The following HIP1 variants were observed in gnomAD, a reference collection of about 807,000 sequenced individuals.
HIP1 encodes huntingtin interacting protein 1, also known as huntingtin-interacting protein 1.
Under a neutral mutation model 147.6 loss-of-function variants are expected in HIP1, and 65 were observed. That is an observed-to-expected ratio of 0.44 (90% CI 0.36 to 0.54). The LOEUF is 0.54. HIP1 is among the 20% of genes least tolerant of loss of function. The pLI, the probability that HIP1 is intolerant of heterozygous loss-of-function variation, is 0.00. For synonymous variants in HIP1, 479 were observed against 504.0 expected (o/e 0.95, Z 0.67); for missense variants, 1,061 against 1,299.6 (o/e 0.82, Z 2.82).
chr7:75,583,473 C>T (rs587699209), intron 5 of HIP1, among the ~76,000 whole-genome samples: 59 of 152,200 alleles, frequency 3.9e-4, no homozygotes, highest in African/African-American at 1.3e-3. Flanking sequence ...TTTCAGTTCT[C>T]GAGGCCAGGG....
chr7:75,677,022 C>T (rs983022770), intron 1 of HIP1, among the ~76,000 whole-genome samples: 1 of 151,566 alleles, frequency 6.6e-6, no homozygotes, highest in Non-Finnish European at 1.5e-5. Flanking sequence ...TGGTGAAACC[C>T]CATCTCTACT....
chr7:75,647,271 G>A lies in HIP1; in HGVS notation c.121-48024C>T, dbSNP rs577745698. On this transcript the variant is annotated intron_variant, in intron 1 of 30. Coordinates refer to ENST00000336926, the MANE Select transcript of HIP1 (RefSeq NM_005338.7). ...AAATTAGCCAGACATGGTGGCATGC[G>A]CCTGTAATCCCAGCTACACGGGAGA... 7.9e-5 allele frequency among the ~76,000 whole-genome samples: 11 copies of A among 139,600 alleles called. No homozygotes were observed. In the East Asian group the frequency reaches 1.1e-3, roughly 14 times the overall value. The allele number at this position is 139,600 out of a possible 152,430, so 91.6% of individuals were successfully genotyped here.
intron 4 of HIP1, among the ~76,000 whole-genome samples, chr7:75,590,015 G>C (rs746745546): frequency 6.6e-6 from 1 of 152,056 alleles, no homozygotes; most frequent in African/African-American, 2.4e-5. Context: ...TTACAGGCAT[G>C]AGCCACTGCG....
At chr7:75,558,121 A>G in intron 15 of HIP1, 46 bp downstream of exon 15, 1 of 1,492,600 alleles carries the variant, frequency 6.7e-7, no homozygotes, top group East Asian at 2.3e-5. Flanking sequence ...CTCTCTCCCT[A>G]GAGGTGCAGG....
At chr7:75,721,440 G>A (rs1023983163) in intron 1 of HIP1, among the ~76,000 whole-genome samples, 7 of 151,800 alleles carry the variant, frequency 4.6e-5, no homozygotes, top group African/African-American at 1.7e-4. Flanking sequence ...GCTCTAAGAG[G>A]ATGGCTTGAG....
intron 1 of HIP1, among the ~76,000 whole-genome samples, chr7:75,706,176 T>G (rs1252321197): frequency 6.6e-6 from 1 of 152,086 alleles, no homozygotes; most frequent in African/African-American, 2.4e-5. Context: ...ATTACAGGAG[T>G]AAGCCACCAT....
intron 1 of HIP1, chr7:75,611,849 G>A: frequency 9.8e-7 from 1 of 1,023,892 alleles, no homozygotes; most frequent in Non-Finnish European, 1.2e-6. Flanking sequence ...ATTACCAGCA[G>A]GCACCGCAGG....
chr7:75,668,983 CG>C (rs1554514928), intron 1 of HIP1, among the ~76,000 whole-genome samples: 24 of 152,074 alleles, frequency 1.6e-4, no homozygotes, highest in South Asian at 8.3e-4. Flanking sequence ...TTTGGGAGGC[CG>C]AGGCGGGCAG....
Position 75,554,542 on chromosome 7 carries a change from C to A in HIP1, c.1964-16G>T. The A allele has an allele frequency of 6.2e-7, 1 of 1,601,244 alleles. No individual in the cohort carries two copies. The highest frequency in any genetic ancestry group is 8.6e-7 in the Non-Finnish European group (1 of 1,168,878). The stretch of plus-strand genomic sequence containing the variant: ...AGGAGGTGATCTGTGAGAGGGAACA[C>A]AGGGCAAGGTCAGAGCAAGTTCTCA... On this transcript the variant is annotated splice_polypyrimidine_tract_variant and intron_variant, in intron 19 of 30. Coordinates refer to ENST00000336926, the MANE Select transcript of HIP1 (RefSeq NM_005338.7).
intron 1 of HIP1, among the ~76,000 whole-genome samples, chr7:75,604,186 A>AG (rs1554503481): frequency 6.6e-6 from 1 of 152,164 alleles, no homozygotes; most frequent in East Asian, 1.9e-4. Context: ...CCCTGGGCAA[A>AG]GTCTCCATAC....
At chr7:75,710,596 G>A (rs1047670540) in intron 1 of HIP1, among the ~76,000 whole-genome samples, 4 of 151,994 alleles carry the variant, frequency 2.6e-5, no homozygotes, top group African/African-American at 4.8e-5. Context: ...AGTTCTAAAC[G>A]ATCTTGTAAA....
At chr7:75,734,857 A>G (rs1181929763) in intron 1 of HIP1, among the ~76,000 whole-genome samples, 2 of 152,094 alleles carry the variant, frequency 1.3e-5, no homozygotes, top group African/African-American at 2.4e-5. Context: ...ATGCTACAAG[A>G]TGTGCTTCAG....
intron 1 of HIP1, among the ~76,000 whole-genome samples, chr7:75,636,798 A>C (rs1554509753): frequency 6.6e-6 from 1 of 152,194 alleles, no homozygotes; most frequent in Non-Finnish European, 1.5e-5. Flanking sequence ...AATTCTCCAG[A>C]GGTTTCCCAG....
At chr7:75,727,493 T>C (rs2117394874) in intron 1 of HIP1, among the ~76,000 whole-genome samples, 1 of 152,152 alleles carries the variant, frequency 6.6e-6, no homozygotes, top group East Asian at 1.9e-4. Flanking sequence ...TTATGTGTGT[T>C]GCAAATATTT....
chr7:75,672,482 A>G (rs953805555), intron 1 of HIP1, among the ~76,000 whole-genome samples: 2 of 152,036 alleles, frequency 1.3e-5, no homozygotes, highest in Non-Finnish European at 2.9e-5. Context: ...ATGCATCAGC[A>G]CACCTGGTTA....
intron 1 of HIP1, among the ~76,000 whole-genome samples, chr7:75,629,837 C>T (rs587706415): frequency 2.0e-5 from 3 of 152,102 alleles, no homozygotes; most frequent in Admixed American, 6.6e-5. Flanking sequence ...CCACTGCGCC[C>T]GGCCTGCTCC....
chr7:75,676,387 G>C (rs373914969), intron 1 of HIP1, among the ~76,000 whole-genome samples: 2 of 152,142 alleles, frequency 1.3e-5, no homozygotes, highest in Admixed American at 6.6e-5. Flanking sequence ...CAGTCCAAGG[G>C]GGGTTATTAT....
At position 75,696,018 on chromosome 7, in the gene HIP1, G is replaced by A. The variant is rs187056969; in HGVS notation, c.120+42783C>T. On this transcript the variant is annotated intron_variant, in intron 1 of 30. Transcript: ENST00000336926. ...TTCTTTTCTTTTTAGACACGGTTCC[G>A]CTGTGTCACCCAGGCTGGAGTGCAG... Among the ~76,000 whole-genome samples, 12 of 149,730 alleles carry A rather than the reference G, an allele frequency of 8.0e-5. No homozygotes were observed. In the South Asian group the frequency reaches 1.1e-3, roughly 13 times the overall value.
At chr7:75,640,476 T>C (rs1270988388) in intron 1 of HIP1, among the ~76,000 whole-genome samples, 2 of 152,148 alleles carry the variant, frequency 1.3e-5, no homozygotes, top group Non-Finnish European at 2.9e-5. Flanking sequence ...ACGCCTGTAA[T>C]CCCAGCACTT....
Sources: allele counts gnomAD v4.1 joint callset (sites outside exome capture counted in the v4.1 genomes callset), GRCh38; gene constraint gnomAD v4.1.1; transcripts MANE v1.5; gene names NCBI Gene and HGNC (gene_info 2026-07-23, HGNC 2026-07-21).